The following BAZ1A variants were observed in gnomAD, a reference collection of about 807,000 sequenced individuals.
BAZ1A encodes the protein bromodomain adjacent to zinc finger domain protein 1A.
BAZ1A carries 50 observed loss-of-function variants against 185.2 expected under a neutral mutation model. That is an observed-to-expected ratio of 0.27 (90% CI 0.22 to 0.34). The LOEUF is 0.34. Ranked by LOEUF, BAZ1A falls within the 10% of genes least tolerant of loss-of-function variation. BAZ1A has a pLI of 1.00. For missense variants in BAZ1A, 1,356 were observed against 1,839.9 expected (o/e 0.74, Z 4.81); for synonymous variants, 571 against 615.6 (o/e 0.93, Z 1.07).
intron 3 of BAZ1A, among the ~76,000 whole-genome samples, chr14:34,829,267 GAAAAAAAAA>G (rs60176426): frequency 3.5e-5 from 3 of 86,474 alleles, no homozygotes; most frequent in African/African-American, 9.3e-5. Flanking sequence ...CTCTGTCTCT[GAAAAAAAAA>G]AAAAAAAAAA....
At position 34,758,763 on chromosome 14, in the gene BAZ1A, C is replaced by T; in HGVS notation, c.4327G>A (p.Val1443Ile). The change falls in exon 25 of 27, where the codon GTA (valine) becomes ATA (isoleucine). Residue 1443 changes from valine (V) to isoleucine (I), a missense_variant. By Grantham distance (29) the Val-to-Ile change is conservative. This residue lies in a region of BAZ1A where 309 missense variants were observed against 355.3 expected (regional missense o/e 0.87). Transcript: ENST00000360310. ...HELSAFEQLV[V>I]ELVRHDDSWP... ...CTGTCATCATGTCGTACCAATTCTA[C>T]AACAAGTTGTTCAAAAGCAGACAAT... 9 of 1,614,188 alleles carry T rather than the reference C, an allele frequency of 5.6e-6. No homozygotes were observed. The highest frequency in any genetic ancestry group is 5.9e-6 in the Non-Finnish European group (7 of 1,180,026).
chr14:34,867,383 G>C (rs1184283435), intron 2 of BAZ1A, among the ~76,000 whole-genome samples: 1 of 152,198 alleles, frequency 6.6e-6, no homozygotes, highest in African/African-American at 2.4e-5. Context: ...GTTCTGGACA[G>C]CACAGCTCTA....
chr14:34,769,161 A>G (rs1018005088), intron 21 of BAZ1A, among the ~76,000 whole-genome samples: 1 of 152,148 alleles, frequency 6.6e-6, no homozygotes, highest in Non-Finnish European at 1.5e-5. Flanking sequence ...AATATTCATA[A>G]AGTAAAACCT....
At chr14:34,867,872 T>A (rs1242575155) in intron 2 of BAZ1A, among the ~76,000 whole-genome samples, 1 of 152,252 alleles carries the variant, frequency 6.6e-6, no homozygotes, top group Non-Finnish European at 1.5e-5. Flanking sequence ...CACATTTAAA[T>A]GTGCAGAATT....
intron 17 of BAZ1A, among the ~76,000 whole-genome samples, chr14:34,779,038 T>C (rs1879861472): frequency 6.6e-6 from 1 of 152,092 alleles, no homozygotes; most frequent in Admixed American, 6.6e-5. Flanking sequence ...GGGTACTTTT[T>C]GTGGCGATGG....
At chr14:34,796,308 C>T (rs749096163) in intron 9 of BAZ1A, among the ~76,000 whole-genome samples, 1 of 152,160 alleles carries the variant, frequency 6.6e-6, no homozygotes, top group Non-Finnish European at 1.5e-5. Flanking sequence ...GATCACACCA[C>T]TGCACTCCCG....
At position 34,761,991 on chromosome 14, in the gene BAZ1A, G is replaced by A. The variant is rs114947283; in HGVS notation, c.4009C>T (p.Arg1337Cys). 25 of 1,614,192 alleles carry A rather than the reference G, an allele frequency of 1.5e-5. No homozygotes were observed. The highest frequency in any genetic ancestry group is 2.0e-5 in the Non-Finnish European group (24 of 1,180,040). Residue 1337 changes from arginine (R) to cysteine (C), a missense_variant, in exon 24 of 27, where the codon CGC becomes TGC. Coordinates refer to ENST00000360310, the MANE Select transcript of BAZ1A (RefSeq NM_013448.3). ...GCTTGCAGTGGGCCATGACTGTGGC[G>A]AGTAGAACGACTGGCAATTCTTAAA... is the stretch of plus-strand genomic sequence containing the variant. ...KSLRIASRST[R>C]HSHGPLQADV...
chr14:34,829,267 G>GAAAAAAAAA (rs60176426), intron 3 of BAZ1A, among the ~76,000 whole-genome samples: 2 of 86,474 alleles, frequency 2.3e-5, no homozygotes, highest in African/African-American at 9.3e-5. Context: ...CTCTGTCTCT[G>GAAAAAAAAA]AAAAAAAAAA....
intron 3 of BAZ1A, among the ~76,000 whole-genome samples, chr14:34,843,837 C>T (rs1370798432): frequency 1.3e-5 from 2 of 152,124 alleles, no homozygotes; most frequent in African/African-American, 4.8e-5. Flanking sequence ...CTTATTTAAC[C>T]CTTTCCTTTG....
At chr14:34,814,223 T>G (rs1036467300) in intron 4 of BAZ1A, among the ~76,000 whole-genome samples, 1 of 147,138 alleles carries the variant, frequency 6.8e-6, no homozygotes, top group African/African-American at 2.5e-5. Context: ...TAAGTTGTAC[T>G]TAAAATTATT....
chr14:34,813,236 AC>A (rs746523609), intron 4 of BAZ1A, among the ~76,000 whole-genome samples: 25 of 152,048 alleles, frequency 1.6e-4, no homozygotes, highest in African/African-American at 5.1e-4. Context: ...ACACACACAC[AC>A]AAAACCTAGT....
At chr14:34,819,058 A>G (rs907608288) in intron 4 of BAZ1A, among the ~76,000 whole-genome samples, 2 of 144,016 alleles carry the variant, frequency 1.4e-5, no homozygotes, top group Non-Finnish European at 1.5e-5. Context: ...GGAGAATGGC[A>G]TGAACCCGGG....
rs544440587 is a variant in BAZ1A, at chr14:34,786,478, T to A, written c.1511-257A>T. On this transcript the variant is annotated intron_variant, in intron 12 of 26. Transcript: ENST00000360310. Reference sequence around the variant, plus strand: ...TTCCAAATTACCAATGAGACGCACATAAACATTCCCCCAAAAGATAAAATG... The same window carrying A: ...TTCCAAATTACCAATGAGACGCACAAAAACATTCCCCCAAAAGATAAAATG... 5 of 350,092 alleles carry A rather than the reference T, an allele frequency of 1.4e-5. No homozygotes were observed. In the Admixed American group the frequency reaches 2.3e-4, roughly 16 times the overall value. The allele number at this position is 350,092 out of a possible 1,614,324, so 21.7% of individuals were successfully genotyped here.
Position 34,753,372 on chromosome 14 carries a change from A to G in BAZ1A, c.*136T>C, listed in dbSNP as rs983858448. On this transcript the variant is annotated 3_prime_UTR_variant, in exon 27 of 27. Coordinates refer to ENST00000360310, the MANE Select transcript of BAZ1A (RefSeq NM_013448.3). ...TCCTACATTCTCCTGAGTGCTTAAT[A>G]TTAAAATTGAGAATATAGTGCAGGC... 47 of 833,380 alleles carry G rather than the reference A, an allele frequency of 5.6e-5. No homozygotes were observed. In the Admixed American group the frequency reaches 1.2e-3, roughly 21 times the overall value. The allele number at this position is 833,380 out of a possible 1,614,324, so 51.6% of individuals were successfully genotyped here.
At chr14:34,795,639 GT>G in intron 10 of BAZ1A, 30 bp downstream of exon 10, 10 of 1,462,758 alleles carry the variant, frequency 6.8e-6, no homozygotes, top group Non-Finnish European at 9.3e-6. Flanking sequence ...TAAAACCTAT[GT>G]GTGCTAAACA....
chr14:34,839,839 C>T (rs1015832847), intron 3 of BAZ1A, among the ~76,000 whole-genome samples: 2 of 106,680 alleles, frequency 1.9e-5, no homozygotes, highest in African/African-American at 3.7e-5. Flanking sequence ...GCCTCTGTTT[C>T]AAAAAAAAAA....
At chr14:34,791,735 T>C (rs1377083381) in intron 12 of BAZ1A, among the ~76,000 whole-genome samples, 1 of 152,354 alleles carries the variant, frequency 6.6e-6, no homozygotes, top group Middle Eastern at 3.4e-3. Flanking sequence ...CACTCAAGTA[T>C]TGTTTAATCA....
chr14:34,849,014 C>CA (rs1566595732), intron 3 of BAZ1A, among the ~76,000 whole-genome samples: 1 of 152,110 alleles, frequency 6.6e-6, no homozygotes, highest in Non-Finnish European at 1.5e-5. Flanking sequence ...AAACAGCACA[C>CA]GTGGCTAGGT....
At chr14:34,825,824 G>A (rs2042158415) in intron 4 of BAZ1A, among the ~76,000 whole-genome samples, 189 bp downstream of exon 4, 1 of 152,130 alleles carries the variant, frequency 6.6e-6, no homozygotes, top group Non-Finnish European at 1.5e-5. Context: ...TGTAATGCCA[G>A]CTACTCAGGA....
Sources: allele counts gnomAD v4.1 joint callset (sites outside exome capture counted in the v4.1 genomes callset), GRCh38; gene constraint gnomAD v4.1.1; regional missense constraint gnomAD v4.1.1; transcripts MANE v1.5; gene names NCBI Gene and HGNC (gene_info 2026-07-23, HGNC 2026-07-21).